Variants in NECAB1 observed in about 807,000 individuals in gnomAD.
NECAB1 encodes the protein N-terminal EF-hand calcium binding protein 1.
A neutral mutation model predicts 57.5 loss-of-function variants in NECAB1; 29 were observed. The observed-to-expected ratio is 0.50, with a 90% CI of 0.38 to 0.69. The LOEUF (loss-of-function observed/expected upper bound fraction) is 0.69, where lower values mean the gene tolerates loss of function less well. NECAB1 is among the 30% of genes least tolerant of loss of function. NECAB1 has a pLI of 0.00. For synonymous variants in NECAB1, 142 were observed against 147.7 expected, an observed-to-expected ratio of 0.96 and a Z score of 0.28; for missense variants, 372 against 413.8, an observed-to-expected ratio of 0.90 and a Z score of 0.88.
At chr8:90,928,895 C>G (rs1311834922) in intron 8 of NECAB1, among the ~76,000 whole-genome samples, 2 of 151,946 alleles carry the variant, frequency 1.3e-5, no homozygotes, top group Non-Finnish European at 2.9e-5. Flanking sequence ...TAGTTAGTAC[C>G]AAGTAGTCCT....
intron 4 of NECAB1, chr8:90,872,478 A>G (rs977732388): frequency 7.0e-5 from 15 of 213,156 alleles, no homozygotes; most frequent in African/African-American, 3.5e-4. Flanking sequence ...TATTCTCTGC[A>G]TGATATATTG....
chr8:90,805,941 T>C (rs1017328962), intron 2 of NECAB1, among the ~76,000 whole-genome samples: 5 of 152,158 alleles, frequency 3.3e-5, no homozygotes, highest in Non-Finnish European at 7.4e-5. Flanking sequence ...TCCCATTTCC[T>C]CCACCCCCAG....
In NECAB1 at chr8:90,828,099, T is replaced by C. The variant is rs959155435; in HGVS notation, c.233+3274T>C. 9.2e-5 allele frequency among the ~76,000 whole-genome samples: 14 copies of C among 151,652 alleles called. No homozygotes were observed. In the South Asian group the frequency reaches 2.9e-3, roughly 31 times the overall value. The stretch of plus-strand genomic sequence containing the variant: ...CATTTTAAGAAATCAATATGTTCAT[T>C]TGAGAAATTTCCTTAAGAGTAGTTC... On this transcript the variant is annotated intron_variant, in intron 3 of 12. Coordinates refer to ENST00000417640, the MANE Select transcript of NECAB1 (RefSeq NM_022351.5).
intron 3 of NECAB1, among the ~76,000 whole-genome samples, chr8:90,844,516 T>C (rs1359804799): frequency 6.6e-6 from 1 of 152,196 alleles, no homozygotes; most frequent in Non-Finnish European, 1.5e-5. Context: ...GCATTCTTTC[T>C]ATCTGCAGAT....
chr8:90,942,247 G>C (rs1388151334), intron 10 of NECAB1, among the ~76,000 whole-genome samples: 1 of 152,146 alleles, frequency 6.6e-6, no homozygotes, highest in Admixed American at 6.5e-5. Context: ...TCCATATGCA[G>C]TGCTCAGCAC....
chr8:90,935,170 A>T (rs1810505618), intron 9 of NECAB1, among the ~76,000 whole-genome samples: 1 of 152,186 alleles, frequency 6.6e-6, no homozygotes, highest in South Asian at 2.1e-4. Flanking sequence ...AAACCAAGGT[A>T]GGAAATAACC....
At chr8:90,925,424 T>C in intron 6 of NECAB1, 111 bp from the exon 7 acceptor site, 1 of 1,239,940 alleles carries the variant, frequency 8.1e-7, no homozygotes, top group South Asian at 1.5e-5. Context: ...CTCATAAGTT[T>C]TCATTTTGCT....
At chr8:90,930,561 C>G (rs1036431767) in intron 8 of NECAB1, among the ~76,000 whole-genome samples, 1 of 152,102 alleles carries the variant, frequency 6.6e-6, no homozygotes, top group South Asian at 2.1e-4. Context: ...ACCCTCATGT[C>G]GTGAGGATGG....
intron 3 of NECAB1, among the ~76,000 whole-genome samples, chr8:90,860,051 G>C (rs1291128256): frequency 6.6e-6 from 1 of 151,934 alleles, no homozygotes; most frequent in Non-Finnish European, 1.5e-5. Context: ...ATTCAAACCT[G>C]ATAAATCTGA....
intron 10 of NECAB1, among the ~76,000 whole-genome samples, chr8:90,942,842 A>G (rs1008449399): frequency 2.6e-5 from 4 of 152,218 alleles, no homozygotes; most frequent in Non-Finnish European, 5.9e-5. Flanking sequence ...AGATCGCGCT[A>G]CTGCACCCCA....
At chr8:90,946,804 T>G (rs1435575260) in intron 10 of NECAB1, among the ~76,000 whole-genome samples, 1 of 152,172 alleles carries the variant, frequency 6.6e-6, no homozygotes, top group Non-Finnish European at 1.5e-5. Flanking sequence ...TCAAGTCACA[T>G]GGTCATTGCT....
At chr8:90,919,876 T>G (rs183199772) in intron 6 of NECAB1, among the ~76,000 whole-genome samples, 1 of 152,250 alleles carries the variant, frequency 6.6e-6, no homozygotes, top group African/African-American at 2.4e-5. Flanking sequence ...CACCTGCGCT[T>G]TTGTTTTTTT....
At chr8:90,808,300 T>C (rs1317041484) in intron 2 of NECAB1, among the ~76,000 whole-genome samples, 2 of 152,176 alleles carry the variant, frequency 1.3e-5, no homozygotes, top group Non-Finnish European at 2.9e-5. Flanking sequence ...TGGGCATCTG[T>C]GGTTGTCATC....
At chr8:90,816,652 T>C (rs2129687086) in intron 2 of NECAB1, among the ~76,000 whole-genome samples, 1 of 151,962 alleles carries the variant, frequency 6.6e-6, no homozygotes, top group Admixed American at 6.6e-5. Context: ...AGTGTGGGTA[T>C]ACTTCTGGAC....
At chr8:90,865,279 A>T (rs55735096) in intron 3 of NECAB1, among the ~76,000 whole-genome samples, 64,425 of 151,950 alleles carry the variant, frequency 0.42, 15,581 homozygotes, top group East Asian at 0.82. Context: ...GTGTTTATAT[A>T]TGAAAATAGT....
intron 3 of NECAB1, among the ~76,000 whole-genome samples, chr8:90,839,308 C>T (rs956155185): frequency 1.3e-5 from 2 of 152,122 alleles, no homozygotes; most frequent in African/African-American, 4.8e-5. Flanking sequence ...GAAGTCAACC[C>T]AAGTCTAACT....
chr8:90,797,242 A>G (rs1811677476), intron 1 of NECAB1, among the ~76,000 whole-genome samples: 1 of 152,216 alleles, frequency 6.6e-6, no homozygotes. Flanking sequence ...TGCAGTAATT[A>G]CATCAATTTA....
intron 3 of NECAB1, among the ~76,000 whole-genome samples, chr8:90,855,501 A>G (rs1812777438): frequency 6.6e-6 from 1 of 152,240 alleles, no homozygotes; most frequent in Non-Finnish European, 1.5e-5. Flanking sequence ...ACTTTGGGTC[A>G]CATATCCAAC....
chr8:90,841,116 C>T (rs1252283402), intron 3 of NECAB1, among the ~76,000 whole-genome samples: 1 of 151,732 alleles, frequency 6.6e-6, no homozygotes, highest in Non-Finnish European at 1.5e-5. Context: ...AAAAATTAGC[C>T]GGGCATGGTG....
Sources: allele counts gnomAD v4.1 joint callset (sites outside exome capture counted in the v4.1 genomes callset), GRCh38; gene constraint gnomAD v4.1.1; transcripts MANE v1.5; gene names NCBI Gene and HGNC (gene_info 2026-07-23, HGNC 2026-07-21).